NEURL1B: variants seen among roughly 807,000 people sequenced by gnomAD.
The protein encoded by NEURL1B is E3 ubiquitin-protein ligase NEURL1B.
Under a neutral mutation model 37.4 loss-of-function variants are expected in NEURL1B, and 13 were observed. That is an observed-to-expected ratio of 0.35 (90% CI 0.23 to 0.55). The LOEUF (loss-of-function observed/expected upper bound fraction) is 0.55, where lower values mean the gene tolerates loss of function less well. Ranked by LOEUF, NEURL1B falls within the 20% of genes least tolerant of loss-of-function variation. NEURL1B has a pLI of 0.89. For synonymous variants in NEURL1B, 432 were observed against 426.6 expected, an observed-to-expected ratio of 1.01 and a Z score of -0.16; for missense variants, 790 against 879.2, an observed-to-expected ratio of 0.90 and a Z score of 1.28.
intron 1 of NEURL1B, among the ~76,000 whole-genome samples, chr5:172,660,052 C>T (rs1310823398): frequency 5.9e-5 from 9 of 152,214 alleles, no homozygotes; most frequent in Non-Finnish European, 1.0e-4. Context: ...GCAGCCAGCG[C>T]GGGCCCTGGC....
chr5:172,646,064 G>T (rs923755104), intron 1 of NEURL1B, among the ~76,000 whole-genome samples: 1 of 152,208 alleles, frequency 6.6e-6, no homozygotes, highest in Admixed American at 6.5e-5. Flanking sequence ...TGTTTTGTGT[G>T]TTGCCATGTA....
chr5:172,670,662 T>C (rs998756966), intron 2 of NEURL1B, among the ~76,000 whole-genome samples: 21 of 152,122 alleles, frequency 1.4e-4, no homozygotes, highest in African/African-American at 5.1e-4. Flanking sequence ...CATTCATTCA[T>C]TCGCTCACTC....
chr5:172,689,160 C>A lies in NEURL1B; in HGVS notation c.*2235C>A, dbSNP rs566822681. On this transcript the variant is annotated 3_prime_UTR_variant, in exon 5 of 5. Coordinates refer to ENST00000369800, the MANE Select transcript of NEURL1B (RefSeq NM_001142651.3). ...GCTCTGCAGCTGCTATAAATAGCCT[C>A]CCTGTTTCCAAGAGGAGGTAAGGAA... 2 of 152,368 alleles carry A rather than the reference C, an allele frequency of 1.3e-5. No individual in the cohort carries two copies. The highest frequency in any genetic ancestry group is 4.1e-4 in the South Asian group (2 of 4,826). The allele number at this position is 152,368 out of a possible 1,614,324, so 9.4% of individuals were successfully genotyped here.
At chr5:172,678,661 G>A (rs1356450869) in intron 2 of NEURL1B, among the ~76,000 whole-genome samples, 1 of 151,704 alleles carries the variant, frequency 6.6e-6, no homozygotes. Context: ...GGCAGTAAGT[G>A]ACACCACCCC....
At chr5:172,682,576 C>CA (rs998597160) in intron 2 of NEURL1B, among the ~76,000 whole-genome samples, 71 of 146,792 alleles carry the variant, frequency 4.8e-4, no homozygotes, top group African/African-American at 8.9e-4. Context: ...AACTCTATCT[C>CA]AAAAAAAAAA....
chr5:172,642,260 A>T (rs1199417318), intron 1 of NEURL1B, among the ~76,000 whole-genome samples: 1 of 152,184 alleles, frequency 6.6e-6, no homozygotes, highest in East Asian at 1.9e-4. Flanking sequence ...TTTTACAAAT[A>T]AAAAAATTGA....
At chr5:172,655,351 C>T (rs1418062589) in intron 1 of NEURL1B, among the ~76,000 whole-genome samples, 2 of 152,182 alleles carry the variant, frequency 1.3e-5, no homozygotes, top group African/African-American at 4.8e-5. Context: ...TGTTTCCCTC[C>T]TTTCCCCCTC....
chr5:172,648,910 G>A (rs891818766), intron 1 of NEURL1B, among the ~76,000 whole-genome samples: 4 of 152,242 alleles, frequency 2.6e-5, no homozygotes, highest in Non-Finnish European at 5.9e-5. Flanking sequence ...TCAGGGGAGA[G>A]CTGATGCCCT....
At chr5:172,662,892 T>C (rs1016253966) in intron 1 of NEURL1B, among the ~76,000 whole-genome samples, 2 of 152,042 alleles carry the variant, frequency 1.3e-5, no homozygotes, top group Admixed American at 1.3e-4. Context: ...GGAAAGACAC[T>C]GCCCTCTAGT....
At chr5:172,650,478 T>TGG (rs1464580001) in intron 1 of NEURL1B, among the ~76,000 whole-genome samples, 1 of 152,012 alleles carries the variant, frequency 6.6e-6, no homozygotes, top group African/African-American at 2.4e-5. Flanking sequence ...TGATTACAAA[T>TGG]GGGGTCTTTC....
rs1758085759 is a variant in NEURL1B at position 172,669,827 on chromosome 5, G to GCGGCCC, written c.83_88dup (p.Gly28_Pro29dup). The GCGGCCC allele has an allele frequency of 2.3e-6, 3 of 1,321,372 alleles. No homozygotes were observed. The highest frequency in any genetic ancestry group is 2.9e-6 in the Non-Finnish European group (3 of 1,030,036). 81.9% of individuals were successfully genotyped at this position (1,321,372 alleles called of 1,614,324 possible). On this transcript the variant is annotated inframe_insertion, in exon 2 of 5. Transcript: ENST00000369800. ...CGCCTCCTGGCCACCCGGCCGTGCT[G>GCGGCCC]CGGCCCCGGCCCCGAGCGACGCCCG... is the stretch of plus-strand genomic sequence containing the variant.
intron 1 of NEURL1B, among the ~76,000 whole-genome samples, chr5:172,659,323 G>A (rs976341772): frequency 6.6e-6 from 1 of 152,168 alleles, no homozygotes; most frequent in Non-Finnish European, 1.5e-5. Context: ...TCCTGGGGCT[G>A]AAGTTGGGAG....
chr5:172,652,404 T>C (rs1259838383), intron 1 of NEURL1B, among the ~76,000 whole-genome samples: 1 of 152,270 alleles, frequency 6.6e-6, no homozygotes, highest in Non-Finnish European at 1.5e-5. Flanking sequence ...GAATATTTGA[T>C]CCATTCCAAC....
rs796287667 is a variant in NEURL1B, at chr5:172,675,120, G to A, written c.577+4790G>A. On this transcript the variant is annotated intron_variant, in intron 2 of 4. Transcript: ENST00000369800. The surrounding 1 kb of genome is among the most constrained non-coding windows in gnomAD (Gnocchi z 4.7). ...TCGAACTCCTGACCTCAGGTGATCCGCCCGCCTCGGCCTCCAAAAGTGCTG... is the reference window on the plus strand; with the variant it reads ...TCGAACTCCTGACCTCAGGTGATCCACCCGCCTCGGCCTCCAAAAGTGCTG... Among the ~76,000 whole-genome samples, 1 of 152,060 alleles carries A rather than the reference G, an allele frequency of 6.6e-6. No individual in the cohort carries two copies. The highest frequency in any genetic ancestry group is 6.5e-5 in the Admixed American group (1 of 15,268).
chr5:172,670,423 GAGCTC>G, intron 2 of NEURL1B, 93 bp downstream of exon 2: 1 of 1,062,826 alleles, frequency 9.4e-7, no homozygotes, highest in South Asian at 3.2e-5. Context: ...CACTTATGGA[GAGCTC>G]CTTTTGCCAG....
chr5:172,646,532 G>T (rs998464110), intron 1 of NEURL1B, among the ~76,000 whole-genome samples: 2 of 152,140 alleles, frequency 1.3e-5, no homozygotes, highest in African/African-American at 4.8e-5. Flanking sequence ...AGTTCCCAAG[G>T]GTTCCTTGGG....
intron 1 of NEURL1B, among the ~76,000 whole-genome samples, chr5:172,644,508 C>T (rs1304660986): frequency 1.3e-5 from 2 of 152,172 alleles, no homozygotes; most frequent in Admixed American, 1.3e-4. Context: ...TGTTTATGAT[C>T]GATTGCGGAA....
chr5:172,663,152 T>G (rs1460119987), intron 1 of NEURL1B, among the ~76,000 whole-genome samples: 1 of 151,538 alleles, frequency 6.6e-6, no homozygotes, highest in Non-Finnish European at 1.5e-5. Flanking sequence ...AGTTTGAGGC[T>G]GCAGTGAGCT....
In NEURL1B at chr5:172,669,795, AC is replaced by A; in HGVS notation, c.44del (p.Pro15ArgfsTer95). On this transcript the variant is annotated frameshift_variant, in exon 2 of 5. Transcript: ENST00000369800. LOFTEE classifies it high-confidence loss of function. ...TGTGTCTTTCCGCAGACCCGAGCCC[AC>A]CGGCGCGCCTCCTGGCCACCCGGCC... ...VHRTLPDPSPPARLLATRPCC... is the reference protein window; with the variant it reads ...VHRTLPDPSPXARLLATRPCC... 1 of 1,271,434 alleles carries A rather than the reference AC, an allele frequency of 7.9e-7. No individual in the cohort carries two copies. The highest frequency in any genetic ancestry group is 1.0e-6 in the Non-Finnish European group (1 of 1,000,882). 78.8% of individuals were successfully genotyped at this position (1,271,434 alleles called of 1,614,324 possible). A position where few individuals can be genotyped will look rare whatever the true frequency, so the allele number is the denominator to read the frequency against.
Sources: gnomAD v4.1 joint callset for allele counts (sites outside exome capture counted in the v4.1 genomes callset) on GRCh38, gnomAD v4.1.1 for gene constraint, Gnocchi (gnomAD v3.1) non-coding constraint, MANE v1.5 for transcripts, NCBI Gene and HGNC (gene_info 2026-07-23, HGNC 2026-07-21) for gene names.